The following FHIT variants were observed in gnomAD, a reference collection of about 807,000 sequenced individuals.
FHIT encodes bis(5'-adenosyl)-triphosphatase.
FHIT carries 19 observed loss-of-function variants against 17.9 expected under a neutral mutation model. That is an observed-to-expected ratio of 1.06 (90% confidence interval 0.74 to 1.56). The LOEUF is 1.56. Ranked by LOEUF, FHIT falls within the 40% of genes most tolerant of loss-of-function variation. The pLI is 0.00. For synonymous variants in FHIT, 81 were observed against 69.7 expected (o/e 1.16, Z -0.81); for missense variants, 248 against 189.2 (o/e 1.31, Z -1.82).
chr3:60,339,682 G>T (rs1468743891), intron 5 of FHIT, among the ~76,000 whole-genome samples: 1 of 152,158 alleles, frequency 6.6e-6, no homozygotes, highest in Non-Finnish European at 1.5e-5. Context: ...TCCCTATTTT[G>T]TAACAGCTGT....
chr3:60,256,438 C>G (rs556650470), intron 5 of FHIT, among the ~76,000 whole-genome samples: 1 of 152,250 alleles, frequency 6.6e-6, no homozygotes, highest in East Asian at 1.9e-4. Flanking sequence ...ATCACCCAGG[C>G]TAAGGTATTT....
At chr3:59,990,240 T>C (rs527892701) in intron 7 of FHIT, among the ~76,000 whole-genome samples, 4 of 152,150 alleles carry the variant, frequency 2.6e-5, no homozygotes, top group South Asian at 4.1e-4. Context: ...CCCAGTGAGA[T>C]CTGTGTTTGC....
chr3:60,522,973 T>C (rs2035430600), intron 5 of FHIT, among the ~76,000 whole-genome samples: 1 of 152,086 alleles, frequency 6.6e-6, no homozygotes, highest in African/African-American at 2.4e-5. Flanking sequence ...CTCACAATCA[T>C]GGCAGAAGTC....
At chr3:60,602,908 C>G (rs1038402968) in intron 4 of FHIT, among the ~76,000 whole-genome samples, 1 of 152,108 alleles carries the variant, frequency 6.6e-6, no homozygotes, top group Admixed American at 6.6e-5. Context: ...AGAAAGCAAG[C>G]CTTTGCCAGA....
chr3:60,947,468 T>C (rs562345557), intron 3 of FHIT, among the ~76,000 whole-genome samples: 1 of 152,224 alleles, frequency 6.6e-6, no homozygotes, highest in African/African-American at 2.4e-5. Context: ...TAAAAGATTT[T>C]GTTGTCATTT....
At chr3:60,487,100 C>T (rs968577357) in intron 5 of FHIT, among the ~76,000 whole-genome samples, 1 of 152,120 alleles carries the variant, frequency 6.6e-6, no homozygotes, top group Non-Finnish European at 1.5e-5. Flanking sequence ...TTGATTGAAT[C>T]GAATAGTCAT....
intron 5 of FHIT, among the ~76,000 whole-genome samples, chr3:60,061,738 T>C (rs941451698): frequency 1.3e-5 from 2 of 152,194 alleles, no homozygotes; most frequent in Non-Finnish European, 2.9e-5. Flanking sequence ...TTCACTGTTA[T>C]TCAGATCGGA....
At chr3:60,030,217 T>C (rs929362462) in intron 5 of FHIT, among the ~76,000 whole-genome samples, 2 of 152,154 alleles carry the variant, frequency 1.3e-5, no homozygotes, top group African/African-American at 4.8e-5. Context: ...GTAACATCAA[T>C]ACCATGCATG....
At chr3:60,556,919 A>T (rs996247057) in intron 4 of FHIT, among the ~76,000 whole-genome samples, 1 of 152,230 alleles carries the variant, frequency 6.6e-6, no homozygotes, top group African/African-American at 2.4e-5. Flanking sequence ...GTCATTTCTG[A>T]AAACAGGACT....
intron 5 of FHIT, among the ~76,000 whole-genome samples, chr3:60,102,298 C>G (rs1704226284): frequency 6.6e-6 from 1 of 152,192 alleles, no homozygotes; most frequent in African/African-American, 2.4e-5. Flanking sequence ...ATAATAACTA[C>G]AGCTGCATTG....
chr3:60,888,621 T>C (rs1197860611), intron 3 of FHIT, among the ~76,000 whole-genome samples: 5 of 152,222 alleles, frequency 3.3e-5, no homozygotes, highest in African/African-American at 9.6e-5. Flanking sequence ...AAGATATTCA[T>C]ATAAATGAAA....
chr3:60,024,493 T>G (rs1316923156), intron 5 of FHIT, among the ~76,000 whole-genome samples: 1 of 152,212 alleles, frequency 6.6e-6, no homozygotes, highest in African/African-American at 2.4e-5. Context: ...TGTATTTTTT[T>G]GTATATTCAT....
chr3:59,994,433 A>C (rs1014240849), intron 7 of FHIT, among the ~76,000 whole-genome samples: 4 of 152,112 alleles, frequency 2.6e-5, no homozygotes, highest in Non-Finnish European at 4.4e-5. Context: ...TTTCTGCCAA[A>C]GAACTCATTC....
chr3:60,572,410 G>A lies in FHIT; in HGVS notation c.-17-35431C>T, dbSNP rs548390952. Among the ~76,000 whole-genome samples the A allele has an allele frequency of 1.9e-4, 29 of 152,230 alleles. No homozygotes were observed. In the South Asian group the frequency reaches 5.6e-3, roughly 29 times the overall value. Reference sequence around the variant, plus strand: ...AATATTTATTGTGTTTATAGAATATGTCCATCACATCCTAGCCCCTAGGCA... The same window carrying A: ...AATATTTATTGTGTTTATAGAATATATCCATCACATCCTAGCCCCTAGGCA... On this transcript the variant is annotated intron_variant, in intron 4 of 9. Coordinates refer to ENST00000492590, the MANE Select transcript of FHIT (RefSeq NM_002012.4).
At chr3:60,070,379 G>T (rs1249563861) in intron 5 of FHIT, among the ~76,000 whole-genome samples, 1 of 152,092 alleles carries the variant, frequency 6.6e-6, no homozygotes, top group Non-Finnish European at 1.5e-5. Context: ...TTTATCTACT[G>T]GTTCTTTCAA....
At chr3:60,375,929 T>C (rs1422969180) in intron 5 of FHIT, among the ~76,000 whole-genome samples, 1 of 152,182 alleles carries the variant, frequency 6.6e-6, no homozygotes, top group Non-Finnish European at 1.5e-5. Context: ...ACCTGAAATA[T>C]GGTAGTGTGC....
At chr3:60,807,160 C>T (rs1701422586) in intron 4 of FHIT, among the ~76,000 whole-genome samples, 1 of 152,130 alleles carries the variant, frequency 6.6e-6, no homozygotes, top group African/African-American at 2.4e-5. Context: ...CTATTTTATT[C>T]ATCTAGAAGT....
At chr3:60,192,204 T>G (rs1702430524) in intron 5 of FHIT, among the ~76,000 whole-genome samples, 1 of 145,604 alleles carries the variant, frequency 6.9e-6, no homozygotes, top group Non-Finnish European at 1.5e-5. Flanking sequence ...TGAGCTGAGT[T>G]CACGTCACTG....
At chr3:61,003,307 T>A in intron 3 of FHIT, among the ~76,000 whole-genome samples, 1 of 152,214 alleles carries the variant, frequency 6.6e-6, no homozygotes, top group East Asian at 1.9e-4. Flanking sequence ...CTGTTATTCC[T>A]TTGTAATATT....
Sources: gnomAD v4.1 joint callset for allele counts (sites outside exome capture counted in the v4.1 genomes callset) on GRCh38, gnomAD v4.1.1 for gene constraint, MANE v1.5 for transcripts, NCBI Gene and HGNC (gene_info 2026-07-23, HGNC 2026-07-21) for gene names.